Variants in CAMK4 observed in about 807,000 individuals in gnomAD.
CAMK4 encodes the protein calcium/calmodulin dependent protein kinase IV.
A neutral mutation model predicts 44.9 loss-of-function variants in CAMK4; 22 were observed. The ratio of observed to expected loss-of-function variants is 0.49; its 90% CI spans 0.35 to 0.70. The LOEUF (loss-of-function observed/expected upper bound fraction) is 0.70. Ranked by LOEUF, CAMK4 falls within the 30% of genes least tolerant of loss-of-function variation. CAMK4 has a pLI of 0.01. For missense variants in CAMK4, 498 were observed against 586.8 expected (o/e 0.85, Z 1.56); for synonymous variants, 218 against 215.4 (o/e 1.01, Z -0.11).
chr5:111,463,542 A>G (rs1391060448), intron 7 of CAMK4, among the ~76,000 whole-genome samples: 2 of 152,148 alleles, frequency 1.3e-5, no homozygotes, highest in African/African-American at 4.8e-5. Flanking sequence ...CCAACACAAA[A>G]CACTGCAATA....
chr5:111,426,640 C>A (rs1472834672), intron 5 of CAMK4, among the ~76,000 whole-genome samples: 1 of 152,156 alleles, frequency 6.6e-6, no homozygotes, highest in East Asian at 1.9e-4. Context: ...AACGCCACCC[C>A]TCCCCCACCC....
At chr5:111,431,893 C>CCTGTA (rs1753457016) in intron 5 of CAMK4, among the ~76,000 whole-genome samples, 7 of 152,104 alleles carry the variant, frequency 4.6e-5, no homozygotes, top group Admixed American at 4.6e-4. Context: ...GAAAAGGGAA[C>CCTGTA]CCTTGTACAA....
chr5:111,442,059 C>A (rs1367112802), intron 5 of CAMK4, among the ~76,000 whole-genome samples: 1 of 152,130 alleles, frequency 6.6e-6, no homozygotes, highest in African/African-American at 2.4e-5. Context: ...GCCTATTATT[C>A]AGCTCTTTAA....
intron 1 of CAMK4, among the ~76,000 whole-genome samples, chr5:111,245,528 G>C (rs563839780): frequency 1.3e-5 from 2 of 152,210 alleles, no homozygotes; most frequent in Admixed American, 1.3e-4. Flanking sequence ...TCTGACATGA[G>C]TTACAACTAC....
chr5:111,412,971 T>C (rs191300225), intron 5 of CAMK4, among the ~76,000 whole-genome samples: 51 of 152,298 alleles, frequency 3.3e-4, no homozygotes, highest in African/African-American at 1.2e-3. Flanking sequence ...ACATTGACTA[T>C]GGGGTAGCTC....
At chr5:111,289,312 C>CT (rs1751355312) in intron 1 of CAMK4, among the ~76,000 whole-genome samples, 21 of 152,164 alleles carry the variant, frequency 1.4e-4, no homozygotes, top group Admixed American at 1.4e-3. Context: ...CGCCATTGCA[C>CT]TCCAGCCTGA....
chr5:111,337,226 G>A lies in CAMK4; in HGVS notation c.162-6798G>A, dbSNP rs937241652. The stretch of plus-strand genomic sequence containing the variant: ...CTAGGTAGAATTTCACCATATGGAT[G>A]TATCACAAATTGTTAATCCACTTCA... On this transcript the variant is annotated intron_variant, in intron 1 of 10. Transcript: ENST00000282356. Among the ~76,000 whole-genome samples the A allele has an allele frequency of 4.6e-5, 7 of 151,214 alleles. No homozygotes were observed. In the East Asian group the frequency reaches 1.4e-3, roughly 30 times the overall value.
intron 1 of CAMK4, among the ~76,000 whole-genome samples, chr5:111,294,822 T>G (rs936217032): frequency 2.0e-5 from 3 of 152,170 alleles, no homozygotes; most frequent in African/African-American, 7.2e-5. Flanking sequence ...GCATTTTTCT[T>G]AAATTATGGA....
intron 1 of CAMK4, among the ~76,000 whole-genome samples, chr5:111,266,613 C>T (rs1750256500): frequency 6.6e-6 from 1 of 152,202 alleles, no homozygotes; most frequent in Non-Finnish European, 1.5e-5. Context: ...CTCTTTCACT[C>T]CTACCTGTTC....
At chr5:111,337,105 C>A (rs1020355838) in intron 1 of CAMK4, among the ~76,000 whole-genome samples, 2 of 151,158 alleles carry the variant, frequency 1.3e-5, no homozygotes, top group African/African-American at 4.8e-5. Flanking sequence ...TTCCCCTATA[C>A]TACTTTGTAG....
intron 4 of CAMK4, among the ~76,000 whole-genome samples, chr5:111,378,635 A>G (rs1751303719): frequency 6.6e-6 from 1 of 152,176 alleles, no homozygotes; most frequent in African/African-American, 2.4e-5. Flanking sequence ...TAAACATTAT[A>G]ACATTTTGAC....
At chr5:111,228,512 GTGTGTGT>G (rs1561347574) in intron 1 of CAMK4, among the ~76,000 whole-genome samples, 22 of 124,660 alleles carry the variant, frequency 1.8e-4, no homozygotes, top group African/African-American at 5.4e-4. Flanking sequence ...AGTAAGGGGT[GTGTGTGT>G]GTGTGTGTGT....
intron 2 of CAMK4, among the ~76,000 whole-genome samples, chr5:111,354,462 C>T (rs968768097): frequency 6.8e-6 from 1 of 147,414 alleles, no homozygotes; most frequent in African/African-American, 2.6e-5. Flanking sequence ...AAAAAAACTA[C>T]GTGAGGTGAT....
intron 1 of CAMK4, among the ~76,000 whole-genome samples, chr5:111,295,961 A>G (rs930377253): frequency 6.6e-6 from 1 of 152,234 alleles, no homozygotes; most frequent in Non-Finnish European, 1.5e-5. Context: ...AACTTCTTTC[A>G]AAGTGGAAAT....
chr5:111,236,342 A>G (rs1748720411), intron 1 of CAMK4, among the ~76,000 whole-genome samples: 2 of 152,220 alleles, frequency 1.3e-5, no homozygotes, highest in Non-Finnish European at 2.9e-5. Context: ...ATCATGGGAT[A>G]TTTACTAGGA....
intron 1 of CAMK4, among the ~76,000 whole-genome samples, chr5:111,246,298 G>A (rs905956308): frequency 6.6e-6 from 1 of 152,052 alleles, no homozygotes; most frequent in Admixed American, 6.6e-5. Flanking sequence ...CCCAAGAAGG[G>A]CTTTCTGTAT....
intron 4 of CAMK4, among the ~76,000 whole-genome samples, chr5:111,389,719 C>G (rs1019969135): frequency 6.6e-6 from 1 of 152,210 alleles, no homozygotes; most frequent in African/African-American, 2.4e-5. Context: ...ATTTTATTCC[C>G]TTCTGGAGAT....
intron 1 of CAMK4, among the ~76,000 whole-genome samples, chr5:111,316,726 T>C (rs1748440023): frequency 6.6e-6 from 1 of 152,146 alleles, no homozygotes; most frequent in Non-Finnish European, 1.5e-5. Context: ...TAGGAGCCCA[T>C]AGTACCTCAG....
chr5:111,284,367 A>G (rs1173678282), intron 1 of CAMK4, among the ~76,000 whole-genome samples: 1 of 152,152 alleles, frequency 6.6e-6, no homozygotes, highest in East Asian at 1.9e-4. Context: ...TGAGAAACAT[A>G]AAGATGAACT....
Sources: allele counts gnomAD v4.1 joint callset (sites outside exome capture counted in the v4.1 genomes callset), GRCh38; gene constraint gnomAD v4.1.1; transcripts MANE v1.5; gene names NCBI Gene and HGNC (gene_info 2026-07-23, HGNC 2026-07-21).